The following AMPH variants were observed in gnomAD, a reference collection of about 807,000 sequenced individuals.
The protein encoded by AMPH is amphiphysin (Stiff-Mann syndrome with breast cancer 128kD autoantigen).
In AMPH, 49 loss-of-function variants were observed where a neutral mutation model predicts 99.1. The ratio of observed to expected loss-of-function variants is 0.49; its 90% CI spans 0.39 to 0.63. AMPH has a LOEUF of 0.63. AMPH is among the 20% of genes least tolerant of loss of function. AMPH has a pLI of 0.00. For synonymous variants in AMPH, 314 were observed against 317.3 expected (o/e 0.99, Z 0.11); for missense variants, 759 against 863.4 (o/e 0.88, Z 1.52).
chr7:38,453,033 T>A (rs2129004153), intron 11 of AMPH, among the ~76,000 whole-genome samples: 1 of 152,282 alleles, frequency 6.6e-6, no homozygotes, highest in East Asian at 1.9e-4. Flanking sequence ...TTTTGACATC[T>A]TGACATGAGA....
intron 5 of AMPH, among the ~76,000 whole-genome samples, chr7:38,481,733 T>C (rs1429007423): frequency 6.6e-6 from 1 of 152,096 alleles, no homozygotes; most frequent in Admixed American, 6.6e-5. Flanking sequence ...TATTTGGAAA[T>C]TTGCCTGAGG....
chr7:38,570,130 G>A (rs1791889292), intron 1 of AMPH, among the ~76,000 whole-genome samples: 1 of 152,134 alleles, frequency 6.6e-6, no homozygotes. Flanking sequence ...CTGTTGGCAA[G>A]ACTCAATCTC....
intron 2 of AMPH, among the ~76,000 whole-genome samples, chr7:38,514,681 T>G (rs1302126159): frequency 1.3e-5 from 2 of 152,332 alleles, no homozygotes; most frequent in Admixed American, 1.3e-4. Flanking sequence ...TTCCGTTTTG[T>G]GTACTTGCTT....
intron 1 of AMPH, among the ~76,000 whole-genome samples, chr7:38,547,844 T>C (rs1791043148): frequency 6.6e-6 from 1 of 152,108 alleles, no homozygotes; most frequent in Admixed American, 6.6e-5. Flanking sequence ...TTCTTTTGAG[T>C]TTCTGATTAG....
At chr7:38,456,375 TC>T (rs753183892) in intron 11 of AMPH, among the ~76,000 whole-genome samples, 2 of 152,172 alleles carry the variant, frequency 1.3e-5, no homozygotes, top group African/African-American at 2.4e-5. Context: ...ACCCAGCATG[TC>T]ACAACCAGTG....
intron 5 of AMPH, among the ~76,000 whole-genome samples, chr7:38,487,175 A>T (rs1271418957): frequency 6.6e-6 from 1 of 152,138 alleles, no homozygotes; most frequent in African/African-American, 2.4e-5. Context: ...TCTACAAAAA[A>T]ACTGCCAGAA....
At chr7:38,426,925 T>G in intron 15 of AMPH, 29 bp downstream of exon 15, 1 of 1,607,880 alleles carries the variant, frequency 6.2e-7, no homozygotes, top group Non-Finnish European at 8.5e-7. Context: ...TCTCAGCAGA[T>G]GGATCTTGTA....
intron 18 of AMPH, chr7:38,392,820 C>G (rs1052029161): frequency 1.3e-5 from 2 of 152,328 alleles, no homozygotes; most frequent in Non-Finnish European, 2.9e-5. Context: ...TGATGAAGAT[C>G]CAGCCGGGGT....
At chr7:38,511,480 A>T (rs1044975250) in intron 2 of AMPH, among the ~76,000 whole-genome samples, 14 of 152,216 alleles carry the variant, frequency 9.2e-5, no homozygotes, top group African/African-American at 3.1e-4. Flanking sequence ...ATACAAGAAC[A>T]ATTTATGCAG....
intron 2 of AMPH, among the ~76,000 whole-genome samples, chr7:38,515,480 G>A (rs1267021240): frequency 1.3e-5 from 2 of 152,262 alleles, no homozygotes; most frequent in Admixed American, 1.3e-4. Flanking sequence ...CCTCCACCAT[G>A]ATTGTAAGTT....
rs760501902 is a variant in AMPH at position 38,535,023 on chromosome 7, A to G, written c.70-12T>C. On this transcript the variant is annotated splice_polypyrimidine_tract_variant and intron_variant, in intron 1 of 20. Transcript: ENST00000356264. Reference sequence around the variant, plus strand: ...AGCTTTTGGAGGACCTAATTTGCAAATAAAACAAAATGGTTTAATTTAATA... The same window carrying G: ...AGCTTTTGGAGGACCTAATTTGCAAGTAAAACAAAATGGTTTAATTTAATA... 19 of 1,605,618 alleles carry G rather than the reference A, an allele frequency of 1.2e-5. No homozygotes were observed. Among genetic ancestry groups the G allele is most frequent in the Non-Finnish European group, 1.6e-5 (19 of 1,172,788 alleles).
chr7:38,552,414 T>C (rs1791209825), intron 1 of AMPH, among the ~76,000 whole-genome samples: 1 of 152,232 alleles, frequency 6.6e-6, no homozygotes, highest in Admixed American at 6.5e-5. Context: ...GCATATTCCA[T>C]AGGAGTAATT....
chr7:38,605,929 C>T (rs1273512382), intron 1 of AMPH, among the ~76,000 whole-genome samples: 1 of 152,140 alleles, frequency 6.6e-6, no homozygotes, highest in African/African-American at 2.4e-5. Flanking sequence ...AAGAAAGCCC[C>T]TCAGTGCGAG....
chr7:38,483,307 G>A (rs898715466), intron 5 of AMPH, among the ~76,000 whole-genome samples: 2 of 152,110 alleles, frequency 1.3e-5, no homozygotes, highest in Non-Finnish European at 2.9e-5. Flanking sequence ...TGTAGAGCAA[G>A]CAGGAGGAAA....
intron 11 of AMPH, among the ~76,000 whole-genome samples, chr7:38,445,076 C>CATGGTATATACATATATATATACAT: frequency 6.8e-6 from 1 of 147,830 alleles, no homozygotes; most frequent in Non-Finnish European, 1.5e-5. Flanking sequence ...TATATATACA[C>CATGGTATATACATATATATATACAT]ATATATACAT....
Position 38,443,395 on chromosome 7 carries a change from T to TA in AMPH, c.1018-7008dup, listed in dbSNP as rs916840827. On this transcript the variant is annotated intron_variant, in intron 11 of 20. Transcript: ENST00000356264. ...TATTAAATCATAAAAACCCTTTTCT[T>TA]AAAAAAAACCTATAAATTAATATTC... 2.8e-4 allele frequency among the ~76,000 whole-genome samples: 43 copies of TA among 151,908 alleles called. No homozygotes were observed. In the Middle Eastern group the frequency reaches 0.01, roughly 36 times the overall value.
chr7:38,523,450 C>T (rs73122274), intron 2 of AMPH, among the ~76,000 whole-genome samples: 4,100 of 152,096 alleles, frequency 0.027, 90 homozygotes, highest in Non-Finnish European at 0.041. Flanking sequence ...ACATATTGTA[C>T]CAAAAAGGTA....
At chr7:38,416,531 C>G (rs2128986662) in intron 17 of AMPH, among the ~76,000 whole-genome samples, 1 of 152,298 alleles carries the variant, frequency 6.6e-6, no homozygotes, top group African/African-American at 2.4e-5. Context: ...CAATTTCCCT[C>G]AAAACCTAAA....
intron 1 of AMPH, among the ~76,000 whole-genome samples, chr7:38,626,568 G>A (rs1003370953): frequency 5.3e-5 from 8 of 152,204 alleles, no homozygotes; most frequent in Non-Finnish European, 1.5e-5. Context: ...AGACTTAAAT[G>A]TAAAACCTAA....
Sources: gnomAD v4.1 joint callset for allele counts (sites outside exome capture counted in the v4.1 genomes callset) on GRCh38, gnomAD v4.1.1 for gene constraint, MANE v1.5 for transcripts, NCBI Gene and HGNC (gene_info 2026-07-23, HGNC 2026-07-21) for gene names.